Variants in ZFHX3 observed in about 807,000 individuals in gnomAD.
ZFHX3 encodes zinc finger homeobox protein 3.
In ZFHX3, 42 loss-of-function variants were observed where a neutral mutation model predicts 279.1. The ratio of observed to expected loss-of-function variants is 0.15; its 90% CI spans 0.12 to 0.19. The LOEUF (loss-of-function observed/expected upper bound fraction) is 0.19. Ranked by LOEUF, ZFHX3 falls within the 10% of genes least tolerant of loss-of-function variation. The pLI, the probability that ZFHX3 is intolerant of heterozygous loss-of-function variation, is 1.00. For missense variants in ZFHX3, 4,981 were observed against 4,754.0 expected (o/e 1.05, Z -1.40); for synonymous variants, 2,293 against 1,957.8 (o/e 1.17, Z -4.52).
At chr16:73,035,059 C>G (rs1393352751) in intron 1 of ZFHX3, among the ~76,000 whole-genome samples, 2 of 152,146 alleles carry the variant, frequency 1.3e-5, no homozygotes, top group African/African-American at 4.8e-5. Context: ...ACTAGGTAGC[C>G]ACCGACCCTT....
rs369430915 is a variant in ZFHX3, at chr16:72,958,211, G to C, written c.1935C>G (p.Cys645Trp). 1.9e-6 allele frequency: 3 copies of C among 1,611,506 alleles called. No individual in the cohort carries two copies. The Admixed American group carries it at 5.0e-5, about 27-fold the overall frequency. ...AGCGGGAGGAGCCCAGGACCGTGTCGCATTTGGGGCACTCCACGCCACTCC... is the reference window on the plus strand; with the variant it reads ...AGCGGGAGGAGCCCAGGACCGTGTCCCATTTGGGGCACTCCACGCCACTCC... ...PSGSGVECPK[C>W]DTVLGSSRSL... Residue 645 changes from cysteine (C) to tryptophan (W), a missense_variant, in exon 2 of 10, where the codon TGC (cysteine) becomes TGG (tryptophan). This residue lies in a region of ZFHX3 where 1,068 missense variants were observed against 935.2 expected (regional missense o/e 1.14). Coordinates refer to ENST00000268489, the MANE Select transcript of ZFHX3 (RefSeq NM_006885.4).
chr16:73,356,001 C>T (rs535350052), intron 3 of ZFHX3, among the ~76,000 whole-genome samples: 1 of 152,178 alleles, frequency 6.6e-6, no homozygotes, highest in Non-Finnish European at 1.5e-5. Context: ...TCTCCAGCAA[C>T]CTTTCCACTG....
intron 1 of ZFHX3, among the ~76,000 whole-genome samples, chr16:73,874,087 T>G (rs2029881977): frequency 6.6e-6 from 1 of 152,214 alleles, no homozygotes; most frequent in African/African-American, 2.4e-5. Flanking sequence ...CATTTCTTCC[T>G]CTGTCTGTGA....
chr16:73,881,517 C>T (rs1003301491), intron 1 of ZFHX3, among the ~76,000 whole-genome samples: 1 of 129,726 alleles, frequency 7.7e-6, no homozygotes, highest in Admixed American at 8.6e-5. Context: ...TACTGCTACT[C>T]TAAGCAGGCC....
At chr16:73,734,381 G>T (rs1477646106) in intron 1 of ZFHX3, among the ~76,000 whole-genome samples, 6 of 152,160 alleles carry the variant, frequency 3.9e-5, no homozygotes, top group Admixed American at 3.9e-4. Context: ...CTATGATTTT[G>T]TAGCATCTTA....
chr16:73,068,566 C>T (rs1305963309), intron 8 of ZFHX3, among the ~76,000 whole-genome samples: 3 of 152,216 alleles, frequency 2.0e-5, no homozygotes, highest in African/African-American at 7.2e-5. Context: ...CTTGGTTTTC[C>T]AGCCTCGGCT....
intron 5 of ZFHX3, among the ~76,000 whole-genome samples, chr16:73,152,385 A>G (rs1181513110): frequency 1.3e-5 from 2 of 152,186 alleles, no homozygotes; most frequent in South Asian, 2.1e-4. Context: ...GTTTAAATCC[A>G]TATTAAGTCC....
chr16:72,990,905 G>A (rs1963062643), intron 1 of ZFHX3, among the ~76,000 whole-genome samples: 2 of 152,012 alleles, frequency 1.3e-5, no homozygotes, highest in Admixed American at 6.6e-5. Flanking sequence ...GCTTAAACTC[G>A]GGAGGCGGAG....
intron 3 of ZFHX3, chr16:73,400,514 A>T (rs1006874412): frequency 6.6e-6 from 1 of 152,198 alleles, no homozygotes; most frequent in African/African-American, 2.4e-5. Flanking sequence ...TCCTTCCCTC[A>T]GAAGCATCCC....
chr16:73,819,137 G>T (rs1486321993), intron 1 of ZFHX3, among the ~76,000 whole-genome samples: 1 of 151,962 alleles, frequency 6.6e-6, no homozygotes, highest in Non-Finnish European at 1.5e-5. Context: ...CAATGGCATA[G>T]CAATGTCTGA....
At chr16:73,029,261 A>G (rs547409568) in intron 1 of ZFHX3, among the ~76,000 whole-genome samples, 2 of 152,218 alleles carry the variant, frequency 1.3e-5, no homozygotes, top group South Asian at 4.1e-4. Flanking sequence ...TCGATGAACC[A>G]CACTGGCGTG....
chr16:73,745,478 T>C (rs1485259152), intron 1 of ZFHX3, among the ~76,000 whole-genome samples: 2 of 152,154 alleles, frequency 1.3e-5, no homozygotes, highest in East Asian at 1.9e-4. Flanking sequence ...AAAGTATATA[T>C]GCACAGAAAT....
chr16:73,134,893 G>A (rs1285474322), intron 6 of ZFHX3, among the ~76,000 whole-genome samples: 1 of 152,068 alleles, frequency 6.6e-6, no homozygotes, highest in African/African-American at 2.4e-5. Context: ...GCATGAGAAT[G>A]CTTTGAAGTC....
At chr16:72,922,089 C>T (rs746042514) in intron 3 of ZFHX3, among the ~76,000 whole-genome samples, 5 of 152,208 alleles carry the variant, frequency 3.3e-5, no homozygotes, top group African/African-American at 4.8e-5. Flanking sequence ...CACTCTGCCA[C>T]TGAGTCACCG....
intron 1 of ZFHX3, among the ~76,000 whole-genome samples, chr16:73,708,669 A>G (rs954862466): frequency 9.9e-5 from 15 of 152,214 alleles, no homozygotes; most frequent in African/African-American, 3.6e-4. Flanking sequence ...ATAAACTCAT[A>G]ACAGGCAGAT....
chr16:73,143,104 GAATAAGCC>G (rs1164795866), intron 6 of ZFHX3, among the ~76,000 whole-genome samples: 4 of 151,778 alleles, frequency 2.6e-5, no homozygotes, highest in African/African-American at 9.7e-5. Flanking sequence ...CTGAGTCTGA[GAATAAGCC>G]AACCTTGTTT....
chr16:73,833,744 A>G (rs890579865), intron 1 of ZFHX3, among the ~76,000 whole-genome samples: 2 of 151,802 alleles, frequency 1.3e-5, no homozygotes, highest in African/African-American at 2.4e-5. Context: ...CCCAGAACTG[A>G]AAGTATAATT....
chr16:73,002,301 C>A (rs1963527187), intron 1 of ZFHX3, among the ~76,000 whole-genome samples: 1 of 152,134 alleles, frequency 6.6e-6, no homozygotes, highest in Non-Finnish European at 1.5e-5. Flanking sequence ...TTTTGGCACA[C>A]CAAGATTAAT....
intron 1 of ZFHX3, among the ~76,000 whole-genome samples, chr16:73,770,112 T>C (rs2054000804): frequency 6.6e-6 from 1 of 152,246 alleles, no homozygotes; most frequent in African/African-American, 2.4e-5. Flanking sequence ...GAATTGAGCT[T>C]GCTAATCAGA....
Sources: gnomAD v4.1 joint callset for allele counts (sites outside exome capture counted in the v4.1 genomes callset) on GRCh38, gnomAD v4.1.1 for gene constraint, gnomAD v4.1.1 regional missense constraint, MANE v1.5 for transcripts, NCBI Gene and HGNC (gene_info 2026-07-23, HGNC 2026-07-21) for gene names.